Variants in ZDHHC11B observed in about 807,000 individuals in gnomAD.
ZDHHC11B encodes probable palmitoyltransferase ZDHHC11B.
ZDHHC11B carries 17 observed loss-of-function variants against 42.3 expected under a neutral mutation model. That is an observed-to-expected ratio of 0.40 (90% CI 0.27 to 0.60). ZDHHC11B has a LOEUF of 0.60. ZDHHC11B is among the 20% of genes least tolerant of loss of function. The pLI is 0.41. For synonymous variants in ZDHHC11B, 123 were observed against 193.5 expected, an observed-to-expected ratio of 0.64 and a Z score of 3.02; for missense variants, 262 against 463.2, an observed-to-expected ratio of 0.57 and a Z score of 3.99.
chr5:743,714 T>G (rs1285684584), intron 9 of ZDHHC11B, among the ~76,000 whole-genome samples: 1 of 149,960 alleles, frequency 6.7e-6, no homozygotes, highest in Non-Finnish European at 1.5e-5. Context: ...TGGATCGAGA[T>G]GTGCGAGTGT....
At chr5:764,062 G>T (rs1265147456) in intron 4 of ZDHHC11B, among the ~76,000 whole-genome samples, 2 of 151,948 alleles carry the variant, frequency 1.3e-5, no homozygotes, top group Admixed American at 6.6e-5. Flanking sequence ...ACTCAGGCTG[G>T]CAGGCTGCTG....
rs375614789 is a variant in ZDHHC11B, at chr5:745,861, A to G, written c.785-563T>C. On this transcript the variant is annotated intron_variant, in intron 8 of 13. Transcript: ENST00000508859. ...TGGCTAGCGGGTCCTGGGACCACAC[A>G]CTCCTGAGCGTGCTGAGAGCCCCAG... Among the ~76,000 whole-genome samples, 5 of 149,314 alleles carry G rather than the reference A, an allele frequency of 3.3e-5. 2 individuals are homozygous for G. In the East Asian group the frequency reaches 8.3e-4, roughly 25 times the overall value.
chr5:757,470 C>T (rs1339419042), intron 4 of ZDHHC11B, among the ~76,000 whole-genome samples: 5 of 151,930 alleles, frequency 3.3e-5, no homozygotes, highest in Admixed American at 2.6e-4. Flanking sequence ...GACAGGTTCA[C>T]TGCTGCTGGG....
intron 11 of ZDHHC11B, among the ~76,000 whole-genome samples, chr5:731,085 C>G (rs376415997): frequency 6.6e-6 from 1 of 151,794 alleles, no homozygotes; most frequent in Non-Finnish European, 1.5e-5. Flanking sequence ...TGGTTAAGAA[C>G]CTGGGAGTGG....
At chr5:729,103 C>G (rs369163611) in intron 12 of ZDHHC11B, among the ~76,000 whole-genome samples, 14 of 149,022 alleles carry the variant, frequency 9.4e-5, no homozygotes, top group Non-Finnish European at 2.1e-4. Context: ...AGGGGGAGAC[C>G]GGGAGGCATG....
chr5:760,713 C>T (rs1180115250), intron 4 of ZDHHC11B, among the ~76,000 whole-genome samples: 1 of 151,804 alleles, frequency 6.6e-6, no homozygotes, highest in Admixed American at 6.6e-5. Context: ...GCATTTTACA[C>T]CCCTAGCGTA....
intron 12 of ZDHHC11B, among the ~76,000 whole-genome samples, chr5:726,317 C>T (rs1436276170): frequency 6.6e-6 from 1 of 151,084 alleles, no homozygotes; most frequent in Non-Finnish European, 1.5e-5. Flanking sequence ...AAGTAGAAGG[C>T]TGTGAGTGAG....
intron 1 of ZDHHC11B, among the ~76,000 whole-genome samples, chr5:778,057 G>T (rs867481233): frequency 6.6e-6 from 1 of 151,960 alleles, no homozygotes; most frequent in East Asian, 1.9e-4. Flanking sequence ...CGCAGCCACC[G>T]TAGGACAGAG....
intron 7 of ZDHHC11B, among the ~76,000 whole-genome samples, chr5:750,391 C>T (rs555691956): frequency 7.0e-6 from 1 of 143,098 alleles, no homozygotes; most frequent in Admixed American, 7.2e-5. Flanking sequence ...CGGGCTGTGG[C>T]TGTGTGACTC....
At chr5:766,649 T>C (rs765078011) in intron 4 of ZDHHC11B, 49 bp downstream of exon 4, 5 of 1,541,128 alleles carry the variant, frequency 3.2e-6, no homozygotes, top group South Asian at 2.4e-5. Flanking sequence ...CATCGCAGGG[T>C]CCTCCAGGAA....
Position 766,359 on chromosome 5 carries a change from G to A in ZDHHC11B, c.222+339C>T, listed in dbSNP as rs1224141971. ...GTCCCCCACCTGCTGGGAGATGGGA[G>A]CAGACGGCCTGACATGGGGTCAGCG... On this transcript the variant is annotated intron_variant, in intron 4 of 13. Transcript: ENST00000508859. 8.6e-5 allele frequency among the ~76,000 whole-genome samples: 13 copies of A among 151,904 alleles called. 1 individual carries two copies. The highest frequency in any genetic ancestry group is 1.6e-4 in the Non-Finnish European group (11 of 67,922).
chr5:749,743 G>A (rs1467769062), intron 7 of ZDHHC11B, among the ~76,000 whole-genome samples: 16 of 130,524 alleles, frequency 1.2e-4, no homozygotes, highest in African/African-American at 3.8e-4. Flanking sequence ...TGCCATCTTG[G>A]CCACCTCTGC....
chr5:711,846 T>TACTGTGCTCCCATTTCCCAGC lies in ZDHHC11B; in HGVS notation c.*443_*444insGCTGGGAAATGGGAGCACAGT. On this transcript the variant is annotated 3_prime_UTR_variant, in exon 14 of 14. Transcript: ENST00000508859. ...CCAGTACTGTGCTCCCATTTCTCAG[T>TACTGTGCTCCCATTTCCCAGC]ACTGTGCTCCCATTTCCCAGTACTA... 1 of 124,048 alleles carries TACTGTGCTCCCATTTCCCAGC rather than the reference T, an allele frequency of 8.1e-6. No homozygotes were observed. Among genetic ancestry groups the TACTGTGCTCCCATTTCCCAGC allele is most frequent in the Non-Finnish European group, 1.8e-5 (1 of 55,486 alleles). 7.7% of individuals were successfully genotyped at this position (124,048 alleles called of 1,614,324 possible). A position where few individuals can be genotyped will look rare whatever the true frequency, so the allele number is the denominator to read the frequency against.
At chr5:764,132 C>T (rs1439736125) in intron 4 of ZDHHC11B, among the ~76,000 whole-genome samples, 9 of 152,068 alleles carry the variant, frequency 5.9e-5, no homozygotes, top group East Asian at 1.9e-4. Flanking sequence ...TGCACCACAG[C>T]GATACACACC....
intron 4 of ZDHHC11B, among the ~76,000 whole-genome samples, chr5:758,976 CG>C (rs1734216841): frequency 6.6e-6 from 1 of 151,864 alleles, no homozygotes; most frequent in South Asian, 2.1e-4. Flanking sequence ...CCTGAGCTGG[CG>C]GGGAGCCCCG....
At chr5:780,502 C>T (rs1439546872) in intron 1 of ZDHHC11B, among the ~76,000 whole-genome samples, 4 of 150,252 alleles carry the variant, frequency 2.7e-5, no homozygotes, top group Non-Finnish European at 4.4e-5. Flanking sequence ...GTGCCCACCA[C>T]GTGGCTTCTG....
At chr5:739,931 T>C (rs1297373963) in intron 10 of ZDHHC11B, among the ~76,000 whole-genome samples, 1 of 151,520 alleles carries the variant, frequency 6.6e-6, no homozygotes, top group Admixed American at 6.6e-5. Context: ...GTAAATACCA[T>C]GGAATACTAC....
At chr5:730,265 T>C (rs1364716548) in intron 12 of ZDHHC11B, among the ~76,000 whole-genome samples, 169 bp downstream of exon 12, 1 of 151,860 alleles carries the variant, frequency 6.6e-6, no homozygotes, top group East Asian at 1.9e-4. Flanking sequence ...GTAAGATCAG[T>C]GCAATAAGCC....
At chr5:721,866 G>T (rs1742214501) in intron 12 of ZDHHC11B, among the ~76,000 whole-genome samples, 1 of 151,720 alleles carries the variant, frequency 6.6e-6, no homozygotes, top group African/African-American at 2.4e-5. Flanking sequence ...TTAGTGCAGG[G>T]ATAGACAAAA....
Sources: gnomAD v4.1 joint callset for allele counts (sites outside exome capture counted in the v4.1 genomes callset) on GRCh38, gnomAD v4.1.1 for gene constraint, MANE v1.5 for transcripts, NCBI Gene and HGNC (gene_info 2026-07-23, HGNC 2026-07-21) for gene names.